MRPL14: variants seen among roughly 807,000 people sequenced by gnomAD.
MRPL14 encodes the protein large ribosomal subunit protein uL14m.
In MRPL14, 8 loss-of-function variants were observed where a neutral mutation model predicts 10.9. That is an observed-to-expected ratio of 0.74 (90% CI 0.43 to 1.33). The LOEUF is 1.33. Ranked by LOEUF, MRPL14 falls within the 40% of genes most tolerant of loss-of-function variation. MRPL14 has a pLI of 0.01. For synonymous variants in MRPL14, 82 were observed against 74.1 expected (o/e 1.11, Z -0.54); for missense variants, 179 against 194.5 (o/e 0.92, Z 0.47).
intron 1 of MRPL14, among the ~76,000 whole-genome samples, chr6:44,123,571 T>C (rs972731177): frequency 6.6e-6 from 1 of 152,168 alleles, no homozygotes; most frequent in African/African-American, 2.4e-5. Flanking sequence ...AAGTAAAGTA[T>C]CCCTCAATAG....
Position 44,127,416 on chromosome 6 carries a change from T to G in MRPL14, c.-91A>C, listed in dbSNP as rs1314192581. ...CGCCGCCTTCGCCCCACGCGGCCTC[T>G]TCCTAGCGCCTGCGCGCCAGGCCCA... On this transcript the variant is annotated 5_prime_UTR_variant, in exon 1 of 3. Coordinates refer to ENST00000372014, the MANE Select transcript of MRPL14 (RefSeq NM_032111.4). 5 of 151,570 alleles carry G rather than the reference T, an allele frequency of 3.3e-5. No homozygotes were observed. The highest frequency in any genetic ancestry group is 7.4e-5 in the Non-Finnish European group (5 of 68,002). The allele number at this position is 151,570 out of a possible 1,614,324, so 9.4% of individuals were successfully genotyped here.
At chr6:44,116,961 A>G (rs1775911367) in intron 1 of MRPL14, among the ~76,000 whole-genome samples, 1 of 152,236 alleles carries the variant, frequency 6.6e-6, no homozygotes, top group Non-Finnish European at 1.5e-5. Flanking sequence ...AAACCCAGCC[A>G]GGGACTTCTT....
chr6:44,114,046 C>T lies in MRPL14; in HGVS notation c.235G>A (p.Gly79Arg), dbSNP rs1419977756. 1 of 1,614,058 alleles carries T rather than the reference C, an allele frequency of 6.2e-7. No individual in the cohort carries two copies. The highest frequency in any genetic ancestry group is 1.7e-5 in the Admixed American group (1 of 60,010). The change falls in exon 3 of 3, where the codon GGA becomes AGA. Residue 79 changes from glycine to arginine, a missense_variant. Coordinates refer to ENST00000372014, the MANE Select transcript of MRPL14 (RefSeq NM_032111.4). ...ACAATGAGCGCCTTTTTCTTCTGTC[C>T]CTTGATGGCCAGTAGTATCTGGTCG... ...VGDQILLAIK[G>R]QKKKALIVGH...
At chr6:44,123,280 G>C (rs1248021300) in intron 1 of MRPL14, among the ~76,000 whole-genome samples, 6 of 152,218 alleles carry the variant, frequency 3.9e-5, no homozygotes, top group Admixed American at 3.9e-4. Context: ...GCCCAGACCA[G>C]AGCCCAAGGC....
intron 1 of MRPL14, among the ~76,000 whole-genome samples, chr6:44,122,750 A>C (rs1562101132): frequency 6.6e-6 from 1 of 152,244 alleles, no homozygotes; most frequent in Non-Finnish European, 1.5e-5. Context: ...AAGCCCAGAC[A>C]CAAAAAGGAC....
At chr6:44,125,462 C>A (rs951084193) in intron 1 of MRPL14, among the ~76,000 whole-genome samples, 1 of 152,086 alleles carries the variant, frequency 6.6e-6, no homozygotes, top group African/African-American at 2.4e-5. Flanking sequence ...TGGAGACCAG[C>A]CTGGGCAACA....
At chr6:44,114,284 G>C in intron 2 of MRPL14, 75 bp from the exon 3 acceptor site, 1 of 1,501,574 alleles carries the variant, frequency 6.7e-7, no homozygotes, top group Non-Finnish European at 8.9e-7. Flanking sequence ...GAGAGGTCAA[G>C]GCTAGGGAGA....
intron 2 of MRPL14, 84 bp from the exon 3 acceptor site, chr6:44,114,293 G>GA: frequency 6.8e-7 from 1 of 1,462,670 alleles, no homozygotes; most frequent in Non-Finnish European, 9.2e-7. Flanking sequence ...AGGCTAGGGA[G>GA]AATGTACATG....
intron 1 of MRPL14, among the ~76,000 whole-genome samples, chr6:44,126,345 A>G (rs1170424901): frequency 6.6e-6 from 1 of 152,224 alleles, no homozygotes; most frequent in East Asian, 1.9e-4. Context: ...CAACTCACCA[A>G]TAGGATTCAG....
chr6:44,114,368 G>C (rs538938143), intron 2 of MRPL14, among the ~76,000 whole-genome samples, 159 bp from the exon 3 acceptor site: 1 of 152,210 alleles, frequency 6.6e-6, no homozygotes, highest in Non-Finnish European at 1.5e-5. Flanking sequence ...ACTTTGTGAA[G>C]ACTTATCTGT....
intron 1 of MRPL14, among the ~76,000 whole-genome samples, chr6:44,123,120 CAAAGACAAACAGG>C (rs571654817): frequency 1.9e-3 from 296 of 152,266 alleles, no homozygotes; most frequent in African/African-American, 6.7e-3. Context: ...CCAATGGAAA[CAAAGACAAACAGG>C]AAAGACCAAC....
rs1775566640 is a variant in MRPL14, at chr6:44,113,789, G to A, written c.*54C>T. On this transcript the variant is annotated 3_prime_UTR_variant, in exon 3 of 3. Transcript: ENST00000372014. Reference sequence around the variant, plus strand: ...TCCCAAGCTCCCTTAGCAAAAGGGTGGTTCTCAGAACTGCTCCATTCACGA... The same window carrying A: ...TCCCAAGCTCCCTTAGCAAAAGGGTAGTTCTCAGAACTGCTCCATTCACGA... 6.6e-6 allele frequency: 10 copies of A among 1,508,354 alleles called. No homozygotes were observed. Among genetic ancestry groups the A allele is most frequent in the Non-Finnish European group, 8.9e-6 (10 of 1,127,472 alleles). The allele number at this position is 1,508,354 out of a possible 1,614,324, so 93.4% of individuals were successfully genotyped here. A position where few individuals can be genotyped will look rare whatever the true frequency, so the allele number is the denominator to read the frequency against.
intron 1 of MRPL14, among the ~76,000 whole-genome samples, chr6:44,121,694 C>G (rs1032268970): frequency 3.9e-5 from 6 of 152,242 alleles, no homozygotes; most frequent in African/African-American, 1.2e-4. Context: ...AATCCCAACA[C>G]TTTGGGAGGC....
rs150668085 is a variant in MRPL14 at position 44,123,278 on chromosome 6, C to A, written c.-19+4066G>T. 1.6e-3 allele frequency among the ~76,000 whole-genome samples: 238 copies of A among 152,342 alleles called. 1 individual carries two copies. The highest frequency in any genetic ancestry group is 5.0e-3 in the African/African-American group (207 of 41,572). On this transcript the variant is annotated intron_variant, in intron 1 of 2. Transcript: ENST00000372014. ...GGTTACAAGGCAACAAGGCCCAGAC[C>A]AGAGCCCAAGGCTGTTTTTATTAAA...
intron 2 of MRPL14, among the ~76,000 whole-genome samples, chr6:44,114,884 C>T (rs1562097514): frequency 1.3e-5 from 2 of 152,220 alleles, no homozygotes; most frequent in Non-Finnish European, 2.9e-5. Flanking sequence ...GCTGAGATTA[C>T]AGGCGTGAGC....
chr6:44,121,504 T>C (rs1221549285), intron 1 of MRPL14, among the ~76,000 whole-genome samples: 2 of 152,130 alleles, frequency 1.3e-5, no homozygotes, highest in South Asian at 4.1e-4. Context: ...TATGGGGGAA[T>C]TGCCATCGCC....
intron 2 of MRPL14, 80 bp downstream of exon 2, chr6:44,116,461 G>C (rs1218225062): frequency 3.5e-6 from 5 of 1,414,012 alleles, no homozygotes; most frequent in African/African-American, 1.4e-5. Context: ...TTTTACTCCT[G>C]TTCTAGTCAC....
chr6:44,124,527 G>A (rs181692102), intron 1 of MRPL14, among the ~76,000 whole-genome samples: 76 of 152,330 alleles, frequency 5.0e-4, no homozygotes, highest in Non-Finnish European at 7.9e-4. Flanking sequence ...AGCACCATAG[G>A]TGCCTCTTTA....
chr6:44,126,897 A>G (rs1777139538), intron 1 of MRPL14: 1 of 152,230 alleles, frequency 6.6e-6, no homozygotes, highest in African/African-American at 2.4e-5. Flanking sequence ...GAGTGAAAGC[A>G]AAAACTCAAT....
Sources: allele counts gnomAD v4.1 joint callset (sites outside exome capture counted in the v4.1 genomes callset), GRCh38; gene constraint gnomAD v4.1.1; transcripts MANE v1.5; gene names NCBI Gene and HGNC (gene_info 2026-07-23, HGNC 2026-07-21).